The following PIERCE2 variants were observed in gnomAD, a reference collection of about 807,000 sequenced individuals.
The protein encoded by PIERCE2 is piercer of microtubule wall 2.
At chr15:55,413,999 G>C in the PIERCE2 span, among the ~76,000 whole-genome samples, 1 of 150,944 alleles carries the variant, frequency 6.6e-6, no homozygotes, top group South Asian at 2.1e-4. Flanking sequence ...CCAGGTTCAC[G>C]CCATTCTCCT....
At chr15:55,411,324 T>C in the PIERCE2 span, among the ~76,000 whole-genome samples, 3 of 149,200 alleles carry the variant, frequency 2.0e-5, no homozygotes, top group Non-Finnish European at 4.5e-5. Flanking sequence ...ATTAGCCAGG[T>C]GTGTTGGCAG....
the PIERCE2 span, chr15:55,417,580 G>A: frequency 2.6e-5 from 4 of 152,094 alleles, no homozygotes; most frequent in African/African-American, 9.7e-5. Context: ...TTCTAACTAT[G>A]ACTTTTACAG....
At chr15:55,410,087 T>C in the PIERCE2 span, among the ~76,000 whole-genome samples, 18 of 143,396 alleles carry the variant, frequency 1.3e-4, no homozygotes, top group Non-Finnish European at 2.7e-4. Context: ...ACTGCAGTGG[T>C]TGTCTATGAT....
chr15:55,414,676 C>T, the PIERCE2 span, among the ~76,000 whole-genome samples: 168 of 149,358 alleles, frequency 1.1e-3, 1 homozygote, highest in African/African-American at 3.9e-3. Flanking sequence ...GTCAGAAGTC[C>T]GAGGCCAGCC....
At chr15:55,415,013 C>T in the PIERCE2 span, among the ~76,000 whole-genome samples, 1 of 152,180 alleles carries the variant, frequency 6.6e-6, no homozygotes, top group South Asian at 2.1e-4. Context: ...TGTAATTATT[C>T]TGACATAATT....
chr15:55,417,314 C>T, the PIERCE2 span, among the ~76,000 whole-genome samples: 1 of 152,140 alleles, frequency 6.6e-6, no homozygotes, highest in African/African-American at 2.4e-5. Flanking sequence ...CTATCTTTTA[C>T]TTCCTTGCCT....
the PIERCE2 span, chr15:55,418,402 T>C: frequency 6.5e-7 from 1 of 1,533,176 alleles, no homozygotes. Context: ...CAAGTCATTA[T>C]GGTGAATTTC....
the PIERCE2 span, chr15:55,408,780 C>A: frequency 6.6e-7 from 1 of 1,524,862 alleles, no homozygotes; most frequent in Non-Finnish European, 8.8e-7. Flanking sequence ...TGACAGACCG[C>A]AACCGGGTGA....
At chr15:55,409,365 A>AT in the PIERCE2 span, among the ~76,000 whole-genome samples, 1 of 152,088 alleles carries the variant, frequency 6.6e-6, no homozygotes, top group East Asian at 1.9e-4. Context: ...AGATTGCGCC[A>AT]CTGAACTGCA....
chr15:55,413,921 G>A, the PIERCE2 span, among the ~76,000 whole-genome samples: 11 of 147,434 alleles, frequency 7.5e-5, no homozygotes, highest in Admixed American at 2.7e-4. Context: ...TTTTTGAGAC[G>A]GAGTCTCGCT....
At chr15:55,408,535 G>C in the PIERCE2 span, 1 of 374,858 alleles carries the variant, frequency 2.7e-6, no homozygotes, top group Non-Finnish European at 4.8e-6. Context: ...ACTTCCAGTT[G>C]CTATGGTTAC....
the PIERCE2 span, among the ~76,000 whole-genome samples, chr15:55,413,876 A>G: frequency 6.6e-6 from 1 of 151,686 alleles, no homozygotes; most frequent in African/African-American, 2.4e-5. Context: ...AAATATGAGT[A>G]GATATAAGAT....
chr15:55,417,366 T>C, the PIERCE2 span, among the ~76,000 whole-genome samples: 13,085 of 152,220 alleles, frequency 0.086, 604 homozygotes, highest in East Asian at 0.19. Flanking sequence ...GTGGAATGGC[T>C]TTCCCTAACC....
chr15:55,412,001 G>T, the PIERCE2 span, among the ~76,000 whole-genome samples: 2 of 144,490 alleles, frequency 1.4e-5, no homozygotes, highest in African/African-American at 2.5e-5. Context: ...TAAGGCAGGA[G>T]AATTGCTTGA....
At chr15:55,418,709 A>C in the PIERCE2 span, 5 of 620,922 alleles carry the variant, frequency 8.1e-6, no homozygotes, top group African/African-American at 1.8e-5. Flanking sequence ...ATTTCAACTG[A>C]TAACTACATG....
the PIERCE2 span, among the ~76,000 whole-genome samples, chr15:55,417,049 A>G: frequency 9.9e-3 from 168 of 17,006 alleles, no homozygotes; most frequent in East Asian, 0.27. Flanking sequence ...CATTACTCAC[A>G]TGGACTACTG....
At chr15:55,408,970 G>A in the PIERCE2 span, among the ~76,000 whole-genome samples, 1 of 152,176 alleles carries the variant, frequency 6.6e-6, no homozygotes, top group South Asian at 2.1e-4. Flanking sequence ...GCCTCTGAAG[G>A]TGTAAAGACC....
the PIERCE2 span, chr15:55,408,778 C>G: frequency 6.6e-7 from 1 of 1,524,168 alleles, no homozygotes; most frequent in Non-Finnish European, 8.8e-7. Flanking sequence ...AATGACAGAC[C>G]GCAACCGGGT....
chr15:55,410,335 G>C, the PIERCE2 span, among the ~76,000 whole-genome samples: 6 of 152,260 alleles, frequency 3.9e-5, no homozygotes, highest in South Asian at 1.2e-3. Flanking sequence ...AGGGTCATTT[G>C]ATAACAAGAA....
Sources: gnomAD v4.1 joint callset for allele counts (sites outside exome capture counted in the v4.1 genomes callset) on GRCh38, gnomAD v4.1.1 for gene constraint, MANE v1.5 for transcripts, NCBI Gene and HGNC (gene_info 2026-07-23, HGNC 2026-07-21) for gene names.